Variants in SRGAP3 observed in about 807,000 individuals in gnomAD.
SRGAP3 encodes the protein SLIT-ROBO Rho GTPase-activating protein 3.
A neutral mutation model predicts 121.1 loss-of-function variants in SRGAP3; 39 were observed. The ratio of observed to expected loss-of-function variants is 0.32; its 90% CI spans 0.25 to 0.42. The LOEUF is 0.42. Ranked by LOEUF, SRGAP3 falls within the 10% of genes least tolerant of loss-of-function variation. SRGAP3 has a pLI of 1.00. For missense variants in SRGAP3, 1,213 were observed against 1,470.6 expected (o/e 0.82, Z 2.86); for synonymous variants, 601 against 570.0 (o/e 1.05, Z -0.77).
At chr3:9,286,451 A>G (rs1277289307) in intron 3 of SRGAP3, among the ~76,000 whole-genome samples, 1 of 151,954 alleles carries the variant, frequency 6.6e-6, no homozygotes, top group African/African-American at 2.4e-5. Flanking sequence ...ACTTGAGACC[A>G]GGAGTTCCAG....
intron 3 of SRGAP3, among the ~76,000 whole-genome samples, chr3:9,088,271 G>A (rs971741691): frequency 2.0e-5 from 3 of 152,152 alleles, no homozygotes; most frequent in Non-Finnish European, 1.5e-5. Flanking sequence ...AGTGGAAAAC[G>A]GTGACATGGG....
intron 12 of SRGAP3, among the ~76,000 whole-genome samples, chr3:9,029,111 A>G (rs897068535): frequency 6.6e-6 from 1 of 152,212 alleles, no homozygotes; most frequent in Admixed American, 6.5e-5. Flanking sequence ...TAAATCTACC[A>G]GAATCCCAGA....
At chr3:9,073,586 G>A (rs1241948786) in intron 4 of SRGAP3, among the ~76,000 whole-genome samples, 3 of 152,206 alleles carry the variant, frequency 2.0e-5, no homozygotes, top group African/African-American at 7.2e-5. Flanking sequence ...TGGGCTCTCT[G>A]TGCCTCAGAT....
At chr3:9,050,548 T>A (rs1013768052) in intron 9 of SRGAP3, among the ~76,000 whole-genome samples, 1 of 152,228 alleles carries the variant, frequency 6.6e-6, no homozygotes, top group African/African-American at 2.4e-5. Context: ...TAAAAAGACC[T>A]AAAATAATGA....
At chr3:9,245,872 C>T (rs1449564254) in intron 1 of SRGAP3, among the ~76,000 whole-genome samples, 1 of 152,086 alleles carries the variant, frequency 6.6e-6, no homozygotes, top group Non-Finnish European at 1.5e-5. Context: ...TGCAGTGAGT[C>T]AAGATGACAT....
At chr3:9,049,606 C>A in intron 9 of SRGAP3, 1 of 420,448 alleles carries the variant, frequency 2.4e-6, no homozygotes, top group South Asian at 1.7e-5. Flanking sequence ...AAGTGTGGGG[C>A]AGAGGGCCAG....
intron 1 of SRGAP3, among the ~76,000 whole-genome samples, chr3:9,146,504 A>C (rs1475866783): frequency 6.6e-6 from 1 of 152,258 alleles, no homozygotes; most frequent in Non-Finnish European, 1.5e-5. Flanking sequence ...GTCTGGGAGA[A>C]GAAGTGGCCT....
chr3:9,016,368 G>T (rs1043169823), intron 14 of SRGAP3, among the ~76,000 whole-genome samples: 2 of 152,050 alleles, frequency 1.3e-5, no homozygotes, highest in African/African-American at 4.8e-5. Flanking sequence ...GGCTCTTTCT[G>T]AAGAGCCCTG....
chr3:9,013,847 AAC>A lies in SRGAP3; in HGVS notation c.1814-7_1814-6del, dbSNP rs1943493837. On this transcript the variant is annotated splice_polypyrimidine_tract_variant and splice_region_variant and intron_variant, in intron 15 of 21. Coordinates refer to ENST00000383836, the MANE Select transcript of SRGAP3 (RefSeq NM_014850.4). ...TCTCGGCTGGGTTCTCCAGTTCTGTAACATAAAGGGGCCTTTCAGCGTGCCTT... is the reference window on the plus strand; with the variant it reads ...TCTCGGCTGGGTTCTCCAGTTCTGTAATAAAGGGGCCTTTCAGCGTGCCTT... 8 of 1,613,992 alleles carry A rather than the reference AAC, an allele frequency of 5.0e-6. No homozygotes were observed. The highest frequency in any genetic ancestry group is 6.8e-6 in the Non-Finnish European group (8 of 1,179,872).
chr3:9,047,506 G>C (rs773057327), intron 9 of SRGAP3, 31 bp from the exon 10 acceptor site: 2 of 1,607,118 alleles, frequency 1.2e-6, no homozygotes, highest in African/African-American at 2.7e-5. Context: ...GGAAGTTATA[G>C]ATTGCAAGGC....
At chr3:9,232,225 G>A (rs1953237203) in intron 1 of SRGAP3, among the ~76,000 whole-genome samples, 1 of 152,148 alleles carries the variant, frequency 6.6e-6, no homozygotes, top group Admixed American at 6.5e-5. Flanking sequence ...TTACAGTTCA[G>A]CTGATGTCTG....
Position 9,064,502 on chromosome 3 carries a change from T to C in SRGAP3, c.566A>G (p.Glu189Gly). Residue 189 changes from glutamate (E) to glycine (G), a missense_variant, in exon 5 of 22, where the codon GAG becomes GGG. Physicochemically the swap from Glu to Gly is moderately conservative, Grantham distance 98. This residue lies in a region of SRGAP3 where 793 missense variants were observed against 1,032.9 expected (regional missense o/e 0.77). Coordinates refer to ENST00000383836, the MANE Select transcript of SRGAP3 (RefSeq NM_014850.4). ...GTCTCCTGACTTATTGAACTGCTTCTCCTCCTGCTTCTCAGCCTCCTTCAG... is the reference window on the plus strand; with the variant it reads ...GTCTCCTGACTTATTGAACTGCTTCCCCTCCTGCTTCTCAGCCTCCTTCAG... ...SKLKEAEKQE[E>G]KQFNKSGDLS... The C allele has an allele frequency of 6.2e-7, 1 of 1,614,170 alleles. No homozygotes were observed. Among genetic ancestry groups the C allele is most frequent in the Non-Finnish European group, 8.5e-7 (1 of 1,180,026 alleles).
chr3:9,226,211 C>A (rs1268533315), intron 1 of SRGAP3, among the ~76,000 whole-genome samples: 1 of 152,220 alleles, frequency 6.6e-6, no homozygotes, highest in Non-Finnish European at 1.5e-5. Context: ...TTGGTAAGAA[C>A]TGGAAGTTTA....
At chr3:9,069,271 G>A (rs1023188995) in intron 4 of SRGAP3, among the ~76,000 whole-genome samples, 2 of 152,140 alleles carry the variant, frequency 1.3e-5, no homozygotes, top group African/African-American at 2.4e-5. Flanking sequence ...TGTCCTCTCC[G>A]TGTCCGCCTG....
At position 9,053,192 on chromosome 3, in the gene SRGAP3, T is replaced by C. The variant is rs75699283; in HGVS notation, c.1158A>G (p.Thr386=). 2.2e-5 allele frequency: 35 copies of C among 1,614,080 alleles called. No individual in the cohort carries two copies. In the East Asian group the frequency reaches 7.8e-4, roughly 36 times the overall value. Reference sequence around the variant, plus strand: ...CCTCCACAGTCAGCATGTCCTGTAATGTCTGCATGGTGGCATCCAGGGTTT... The same window carrying C: ...CCTCCACAGTCAGCATGTCCTGTAACGTCTGCATGGTGGCATCCAGGGTTT... ...VRKTLDATMQ[T]LQDMLTVEDF... The change falls in exon 9 of 22, where the codon ACA becomes ACG. Residue 386 remains threonine (T), a synonymous_variant. Transcript: ENST00000383836.
At chr3:9,107,994 TAGA>T (rs942209441) in intron 2 of SRGAP3, among the ~76,000 whole-genome samples, 2 of 152,030 alleles carry the variant, frequency 1.3e-5, no homozygotes, top group African/African-American at 4.8e-5. Context: ...GAATTGTGGG[TAGA>T]AGGACCAGTG....
chr3:9,007,142 G>T lies in SRGAP3; in HGVS notation c.2227+3166C>A, dbSNP rs146533722. 9.5e-3 allele frequency: 1,435 copies of T among 150,964 alleles called. 9 individuals are homozygous for T. Among genetic ancestry groups the T allele is most frequent in the Middle Eastern group, 0.054 (16 of 296 alleles). 9.4% of individuals were successfully genotyped at this position (150,964 alleles called of 1,614,324 possible). A position where few individuals can be genotyped will look rare whatever the true frequency, so the allele number is the denominator to read the frequency against. On this transcript the variant is annotated intron_variant, in intron 18 of 21. Transcript: ENST00000383836. Reference sequence around the variant, plus strand: ...ATGCCTGGCTAATTTTTGTATTTTGGTTTTTTTTGTAGAGACGGAGTTTCA... The same window carrying T: ...ATGCCTGGCTAATTTTTGTATTTTGTTTTTTTTTGTAGAGACGGAGTTTCA...
chr3:9,346,220 T>C (rs984076713), intron 1 of SRGAP3, among the ~76,000 whole-genome samples: 22 of 151,922 alleles, frequency 1.4e-4, no homozygotes, highest in Admixed American at 5.9e-4. Context: ...AAGTGTAATG[T>C]TGTTTTTCTA....
chr3:9,050,666 C>T (rs975434971), intron 9 of SRGAP3, among the ~76,000 whole-genome samples: 4 of 152,218 alleles, frequency 2.6e-5, no homozygotes, highest in African/African-American at 4.8e-5. Flanking sequence ...CTCCTAACTT[C>T]GAGTAGGCCA....
Sources: gnomAD v4.1 joint callset for allele counts (sites outside exome capture counted in the v4.1 genomes callset) on GRCh38, gnomAD v4.1.1 for gene constraint, gnomAD v4.1.1 regional missense constraint, MANE v1.5 for transcripts, NCBI Gene and HGNC (gene_info 2026-07-23, HGNC 2026-07-21) for gene names.